DAB1: variants seen among roughly 807,000 people sequenced by gnomAD.
DAB1 encodes DAB adaptor protein 1.
Under a neutral mutation model 64.6 loss-of-function variants are expected in DAB1, and 15 were observed. That is an observed-to-expected ratio of 0.23 (90% CI 0.16 to 0.36). The LOEUF is 0.36. DAB1 is among the 10% of genes least tolerant of loss of function. The pLI is 1.00. For synonymous variants in DAB1, 235 were observed against 251.9 expected, an observed-to-expected ratio of 0.93 and a Z score of 0.64; for missense variants, 596 against 706.7, an observed-to-expected ratio of 0.84 and a Z score of 1.78.
chr1:58,392,741 G>T (rs72914340), intron 3 of DAB1, among the ~76,000 whole-genome samples: 1 of 152,132 alleles, frequency 6.6e-6, no homozygotes. Flanking sequence ...TAACCCTGTC[G>T]TTGGACTTCC....
Position 57,332,969 on chromosome 1 carries a change from T to C in DAB1, c.-136-41803A>G, listed in dbSNP as rs559590898. Among the ~76,000 whole-genome samples the C allele has an allele frequency of 5.3e-5, 8 of 152,324 alleles. No homozygotes were observed. The South Asian group carries it at 6.2e-4, about 12-fold the overall frequency. On this transcript the variant is annotated intron_variant, in intron 1 of 14. Transcript: ENST00000371236. The stretch of plus-strand genomic sequence containing the variant: ...TTCTGTCTACTTGCTGTCTTATCTG[T>C]TGAAACTCTCTTCGCTTTGCTCTTT...
intron 6 of DAB1, among the ~76,000 whole-genome samples, chr1:57,678,108 C>T (rs969291658): frequency 6.6e-6 from 1 of 152,088 alleles, no homozygotes; most frequent in African/African-American, 2.4e-5. Context: ...AATCCACAGA[C>T]ATGAAACCTA....
At chr1:57,205,656 T>G (rs2100298276) in intron 2 of DAB1, among the ~76,000 whole-genome samples, 1 of 152,352 alleles carries the variant, frequency 6.6e-6, no homozygotes, top group South Asian at 2.1e-4. Context: ...GTATTATTTC[T>G]CTCGTCTTAC....
chr1:58,069,573 A>C (rs1464687997), intron 5 of DAB1, among the ~76,000 whole-genome samples: 1 of 152,172 alleles, frequency 6.6e-6, no homozygotes, highest in Non-Finnish European at 1.5e-5. Flanking sequence ...AACAAGCCCC[A>C]GTTCACCCAG....
intron 3 of DAB1, among the ~76,000 whole-genome samples, chr1:58,445,574 C>T (rs564907748): frequency 6.6e-6 from 1 of 152,212 alleles, no homozygotes; most frequent in African/African-American, 2.4e-5. Flanking sequence ...TGTGAACTTA[C>T]GCAGGTGCTT....
chr1:58,059,119 G>A (rs1395095438), intron 5 of DAB1, among the ~76,000 whole-genome samples: 1 of 152,186 alleles, frequency 6.6e-6, no homozygotes, highest in Non-Finnish European at 1.5e-5. Flanking sequence ...CTCCCTTACT[G>A]TGTCCTGCCT....
At chr1:57,616,474 A>G (rs992595351) in intron 7 of DAB1, among the ~76,000 whole-genome samples, 2 of 152,208 alleles carry the variant, frequency 1.3e-5, no homozygotes, top group African/African-American at 4.8e-5. Flanking sequence ...CATAGTAAAC[A>G]CTCAACAGAC....
chr1:57,171,294 T>A lies in DAB1; in HGVS notation c.68-25865A>T, dbSNP rs542614607. ...AACCCCAAAGGAATACTACTTTAAA[T>A]TTTAAAACTGCTCAATTAATATGAA... On this transcript the variant is annotated intron_variant, in intron 2 of 14. Coordinates refer to ENST00000371236, the MANE Select transcript of DAB1 (RefSeq NM_001365792.1). 1.1e-4 allele frequency among the ~76,000 whole-genome samples: 16 copies of A among 152,270 alleles called. 1 individual carries two copies. Among genetic ancestry groups the A allele is most frequent in the African/African-American group, 3.9e-4 (16 of 41,556 alleles).
intron 2 of DAB1, among the ~76,000 whole-genome samples, chr1:57,220,592 G>T (rs1465973675): frequency 6.6e-6 from 1 of 152,162 alleles, no homozygotes; most frequent in Middle Eastern, 3.2e-3. Flanking sequence ...GTGGGCAAAG[G>T]ATATGAACAG....
At chr1:58,178,666 G>A (rs1032751762) in intron 4 of DAB1, among the ~76,000 whole-genome samples, 8 of 152,178 alleles carry the variant, frequency 5.3e-5, no homozygotes, top group Non-Finnish European at 1.0e-4. Context: ...AAAAGGGACA[G>A]ATAGAAAATA....
chr1:57,232,815 C>T (rs1667784541), intron 2 of DAB1, among the ~76,000 whole-genome samples: 1 of 152,118 alleles, frequency 6.6e-6, no homozygotes, highest in South Asian at 2.1e-4. Context: ...GCAGCTCCAC[C>T]ACAAGCAATG....
chr1:58,255,278 T>A (rs928130643), intron 4 of DAB1, among the ~76,000 whole-genome samples: 1 of 151,806 alleles, frequency 6.6e-6, no homozygotes, highest in African/African-American at 2.4e-5. Flanking sequence ...TTTGTTTGAG[T>A]TCATTGTAGA....
At chr1:57,185,590 G>A (rs893109378) in intron 2 of DAB1, among the ~76,000 whole-genome samples, 7 of 152,106 alleles carry the variant, frequency 4.6e-5, no homozygotes, top group African/African-American at 1.2e-4. Flanking sequence ...AATAATCCCC[G>A]TTAAATCTTC....
chr1:57,815,443 T>C (rs553678092), intron 6 of DAB1, among the ~76,000 whole-genome samples: 1 of 152,302 alleles, frequency 6.6e-6, no homozygotes, highest in African/African-American at 2.4e-5. Flanking sequence ...TGAACTGGAA[T>C]GGGAAGTAAC....
intron 5 of DAB1, among the ~76,000 whole-genome samples, chr1:58,126,664 TGA>T (rs1268233637): frequency 1.5e-4 from 22 of 145,498 alleles, no homozygotes; most frequent in Non-Finnish European, 1.2e-4. Flanking sequence ...TGTGTCCATG[TGA>T]TCTCATTGTT....
intron 4 of DAB1, among the ~76,000 whole-genome samples, chr1:57,100,624 T>C (rs1485654703): frequency 6.6e-6 from 1 of 152,114 alleles, no homozygotes; most frequent in Non-Finnish European, 1.5e-5. Context: ...TGAAACACAA[T>C]ATATTCAAGG....
chr1:57,750,924 G>T (rs1209970461), intron 6 of DAB1, among the ~76,000 whole-genome samples: 1 of 152,186 alleles, frequency 6.6e-6, no homozygotes, highest in Non-Finnish European at 1.5e-5. Context: ...GATGTCAGAA[G>T]TCTCAGGACT....
downstream of DAB1, among the ~76,000 whole-genome samples, chr1:57,825,226 C>G (rs1259189680): frequency 6.6e-6 from 1 of 152,198 alleles, no homozygotes; most frequent in African/African-American, 2.4e-5. Flanking sequence ...CCCTAGCTTG[C>G]TCAGAAAGAA....
At chr1:58,008,326 T>A (rs144480683) in intron 5 of DAB1, among the ~76,000 whole-genome samples, 1 of 151,934 alleles carries the variant, frequency 6.6e-6, no homozygotes, top group Non-Finnish European at 1.5e-5. Flanking sequence ...AATTATAATA[T>A]AGGGTAAAGG....
Sources: gnomAD v4.1 joint callset for allele counts (sites outside exome capture counted in the v4.1 genomes callset) on GRCh38, gnomAD v4.1.1 for gene constraint, MANE v1.5 for transcripts, NCBI Gene and HGNC (gene_info 2026-07-23, HGNC 2026-07-21) for gene names.